Variants in TOP6BL observed in about 807,000 individuals in gnomAD.
The protein encoded by TOP6BL is type 2 DNA topoisomerase 6 subunit B-like.
At chr11:66,750,439 C>T in the TOP6BL span, among the ~76,000 whole-genome samples, 8 of 151,842 alleles carry the variant, frequency 5.3e-5, no homozygotes, top group Admixed American at 3.9e-4. Context: ...CCCAGCTACT[C>T]GGGAGGCTGA....
chr11:66,764,217 G>A, the TOP6BL span, among the ~76,000 whole-genome samples: 1 of 152,012 alleles, frequency 6.6e-6, no homozygotes, highest in Non-Finnish European at 1.5e-5. Context: ...AAGAATCATG[G>A]GCTGACTGCT....
chr11:66,813,997 G>T, the TOP6BL span: 6 of 1,613,386 alleles, frequency 3.7e-6, no homozygotes, highest in South Asian at 6.6e-5. Flanking sequence ...ACCCAATTTG[G>T]ATCTCAATTT....
chr11:66,821,643 G>A, the TOP6BL span: 1 of 1,603,580 alleles, frequency 6.2e-7, no homozygotes, highest in Non-Finnish European at 8.5e-7. Flanking sequence ...CTCCCCTTAG[G>A]AGTCTATACT....
the TOP6BL span, among the ~76,000 whole-genome samples, chr11:66,770,515 C>T: frequency 1.3e-5 from 2 of 151,978 alleles, no homozygotes; most frequent in African/African-American, 4.8e-5. Context: ...ACAAGCCTGG[C>T]CAACATAGTG....
At chr11:66,823,150 C>T in the TOP6BL span, among the ~76,000 whole-genome samples, 2 of 151,832 alleles carry the variant, frequency 1.3e-5, no homozygotes, top group African/African-American at 4.8e-5. Context: ...CAAAATTAGC[C>T]AGTCGTGGTG....
At chr11:66,793,091 TG>T in the TOP6BL span, among the ~76,000 whole-genome samples, 2 of 142,040 alleles carry the variant, frequency 1.4e-5, no homozygotes, top group African/African-American at 5.2e-5. Context: ...TTGGTAATAA[TG>T]TTTTTTTTTT....
the TOP6BL span, chr11:66,804,222 A>G: frequency 7.8e-6 from 12 of 1,541,412 alleles, no homozygotes; most frequent in Admixed American, 9.9e-5. Context: ...CCATCCAATT[A>G]TCTTTGAAAT....
At chr11:66,778,772 G>A in the TOP6BL span, among the ~76,000 whole-genome samples, 10 of 152,180 alleles carry the variant, frequency 6.6e-5, no homozygotes, top group East Asian at 1.9e-3. Context: ...ATTCTACAAG[G>A]CTACAGTAAC....
the TOP6BL span, chr11:66,762,348 C>T: frequency 2.4e-5 from 9 of 374,946 alleles, no homozygotes; most frequent in Admixed American, 4.7e-5. Context: ...GTGTGGAAGC[C>T]GGCGACGCAG....
the TOP6BL span, among the ~76,000 whole-genome samples, chr11:66,779,465 C>T: frequency 7.2e-3 from 1,096 of 152,272 alleles, 12 homozygotes; most frequent in African/African-American, 0.025. Flanking sequence ...CAATGAGATA[C>T]CATCTCACAC....
At chr11:66,773,703 T>A in the TOP6BL span, among the ~76,000 whole-genome samples, 2 of 152,170 alleles carry the variant, frequency 1.3e-5, no homozygotes, top group Non-Finnish European at 2.9e-5. Flanking sequence ...TAGAGACAGT[T>A]CTACGCTAAA....
chr11:66,806,772 G>C, the TOP6BL span, among the ~76,000 whole-genome samples: 3 of 152,032 alleles, frequency 2.0e-5, no homozygotes, highest in African/African-American at 7.2e-5. Context: ...AAAAAAAAGA[G>C]AGAACAGAAG....
the TOP6BL span, chr11:66,843,152 C>G: frequency 6.2e-7 from 1 of 1,610,514 alleles, no homozygotes. Context: ...TCACCCCGGG[C>G]CCCCTTGTTC....
the TOP6BL span, among the ~76,000 whole-genome samples, chr11:66,802,468 T>A: frequency 1.3e-3 from 203 of 152,226 alleles, 1 homozygote; most frequent in African/African-American, 4.4e-3. Context: ...ACTGCTAATT[T>A]AAAAAAAATT....
At chr11:66,753,774 G>A in the TOP6BL span, among the ~76,000 whole-genome samples, 5 of 146,280 alleles carry the variant, frequency 3.4e-5, no homozygotes, top group Admixed American at 2.1e-4. Flanking sequence ...GCATGATCTC[G>A]GCTCACTGCA....
At chr11:66,781,514 A>T in the TOP6BL span, among the ~76,000 whole-genome samples, 4 of 152,226 alleles carry the variant, frequency 2.6e-5, no homozygotes, top group Admixed American at 2.6e-4. Context: ...CCTAAATGTA[A>T]TATCTGTACC....
At chr11:66,809,381 C>T in the TOP6BL span, among the ~76,000 whole-genome samples, 2 of 152,150 alleles carry the variant, frequency 1.3e-5, no homozygotes, top group East Asian at 3.8e-4. Context: ...AATTTCATAT[C>T]CAATCCAAAT....
At chr11:66,762,690 C>T in the TOP6BL span, among the ~76,000 whole-genome samples, 20 of 152,236 alleles carry the variant, frequency 1.3e-4, no homozygotes, top group African/African-American at 4.3e-4. Flanking sequence ...AGGCTGGCCT[C>T]GAACTCCTGA....
the TOP6BL span, among the ~76,000 whole-genome samples, chr11:66,816,881 C>T: frequency 3.3e-5 from 5 of 152,026 alleles, no homozygotes; most frequent in Admixed American, 3.3e-4. Flanking sequence ...AGGCTGGGTG[C>T]GGTGGCTCAT....
Sources: allele counts gnomAD v4.1 joint callset (sites outside exome capture counted in the v4.1 genomes callset), GRCh38; gene constraint gnomAD v4.1.1; transcripts MANE v1.5; gene names NCBI Gene and HGNC (gene_info 2026-07-23, HGNC 2026-07-21).